Variants in TCF4 observed in about 807,000 individuals in gnomAD.
The protein encoded by TCF4 is SL3-3 enhancer factor 2.
Under a neutral mutation model 82.1 loss-of-function variants are expected in TCF4, and 3 were observed. The ratio of observed to expected loss-of-function variants is 0.04; its 90% CI spans 0.02 to 0.09. The LOEUF is 0.09. Among genes scored for constraint, TCF4 ranks in the 10% least tolerant of loss-of-function variants. TCF4 has a pLI of 1.00. For missense variants in TCF4, 518 were observed against 852.7 expected, an observed-to-expected ratio of 0.61 and a Z score of 4.89; for synonymous variants, 276 against 309.6, an observed-to-expected ratio of 0.89 and a Z score of 1.14.
At chr18:55,416,484 C>A (rs994876550) in intron 5 of TCF4, among the ~76,000 whole-genome samples, 3 of 152,132 alleles carry the variant, frequency 2.0e-5, no homozygotes, top group South Asian at 2.1e-4. Context: ...GGCTAAGAAG[C>A]GATTCCTAAA....
intron 15 of TCF4, among the ~76,000 whole-genome samples, 196 bp downstream of exon 15, chr18:55,254,288 AATATTCAAAACCT>A (rs2056165274): frequency 1.3e-5 from 2 of 152,164 alleles, no homozygotes; most frequent in African/African-American, 4.8e-5. Flanking sequence ...AGGGGGCAAA[AATATTCAAAACCT>A]AGACTATGGT....
At chr18:55,463,478 T>C (rs1427698308) in intron 4 of TCF4, among the ~76,000 whole-genome samples, 1 of 152,158 alleles carries the variant, frequency 6.6e-6, no homozygotes, top group African/African-American at 2.4e-5. Flanking sequence ...AACCAATGCA[T>C]GTAGGAAAAC....
intron 2 of TCF4, among the ~76,000 whole-genome samples, chr18:55,609,229 G>T (rs2097704915): frequency 6.6e-6 from 1 of 152,130 alleles, no homozygotes. Flanking sequence ...AAGGTAAGAT[G>T]GTCGGAGAAG....
At chr18:55,582,100 T>C (rs1345472637) in intron 3 of TCF4, among the ~76,000 whole-genome samples, 1 of 152,088 alleles carries the variant, frequency 6.6e-6, no homozygotes, top group Non-Finnish European at 1.5e-5. Flanking sequence ...TATCTTTTCC[T>C]CACAAGAGTC....
At chr18:55,573,039 G>T (rs1045196089) in intron 3 of TCF4, among the ~76,000 whole-genome samples, 6 of 151,424 alleles carry the variant, frequency 4.0e-5, no homozygotes, top group Non-Finnish European at 5.9e-5. Context: ...GGCAATGAGA[G>T]CTTAACTCCG....
chr18:55,322,448 A>AC (rs2075847855), intron 8 of TCF4: 1 of 1,007,798 alleles, frequency 9.9e-7, no homozygotes, highest in African/African-American at 1.7e-5. Context: ...AAAAAAAAAA[A>AC]AACACCACGT....
chr18:55,290,019 A>T (rs2064680348), intron 8 of TCF4, among the ~76,000 whole-genome samples: 1 of 152,236 alleles, frequency 6.6e-6, no homozygotes, highest in Admixed American at 6.5e-5. Context: ...ATACACGTCA[A>T]ACTAAGAATA....
rs560414939 is a variant in TCF4 at position 55,603,657 on chromosome 18, C to T, written c.287-16521G>A. The stretch of plus-strand genomic sequence containing the variant: ...CCATAAACTAATAGTAAAAATGACT[C>T]CATTTCATAACCACAGGCTGCATCT... On this transcript the variant is annotated intron_variant, in intron 2 of 20. Coordinates refer to the TCF4 transcript ENST00000398339. 9.9e-5 allele frequency among the ~76,000 whole-genome samples: 15 copies of T among 152,268 alleles called. No homozygotes were observed. In the South Asian group the frequency reaches 2.3e-3, roughly 23 times the overall value.
Position 55,379,817 on chromosome 18 carries a change from G to A in TCF4, c.369+23637C>T, listed in dbSNP as rs934094752. Among the ~76,000 whole-genome samples, 22 of 152,204 alleles carry A rather than the reference G, an allele frequency of 1.4e-4. No individual in the cohort carries two copies. The South Asian group carries it at 1.9e-3, about 13-fold the overall frequency. ...ACAAGCATTTACTTCTAACAGTTCC[G>A]GAGGCTAGAATTCTAAGATCAGGAC... On this transcript the variant is annotated intron_variant, in intron 6 of 19. Coordinates refer to ENST00000354452, the MANE Select transcript of TCF4 (RefSeq NM_001083962.2).
intron 5 of TCF4, among the ~76,000 whole-genome samples, chr18:55,438,329 A>T: frequency 1.4e-5 from 1 of 70,914 alleles, no homozygotes; most frequent in South Asian, 4.8e-4. Context: ...TGGTATTGCT[A>T]TGATTATAGT....
intron 8 of TCF4, among the ~76,000 whole-genome samples, 160 bp downstream of exon 8, chr18:55,350,199 G>T (rs1173198919): frequency 6.6e-6 from 1 of 152,118 alleles, no homozygotes; most frequent in East Asian, 1.9e-4. Context: ...CTCCAATGTG[G>T]GTCAGGTGGC....
intron 8 of TCF4, among the ~76,000 whole-genome samples, chr18:55,328,504 G>A (rs760701451): frequency 2.2e-4 from 33 of 152,152 alleles, no homozygotes; most frequent in Admixed American, 3.9e-4. Flanking sequence ...ACTGGACAAT[G>A]TAAAAACAGA....
chr18:55,345,202 G>T (rs1037703103), intron 8 of TCF4, among the ~76,000 whole-genome samples: 1 of 151,354 alleles, frequency 6.6e-6, no homozygotes, highest in African/African-American at 2.4e-5. Context: ...CAAATATAAA[G>T]ATTCTCCTAT....
At chr18:55,595,925 T>A (rs2097690413) in intron 2 of TCF4, among the ~76,000 whole-genome samples, 1 of 152,130 alleles carries the variant, frequency 6.6e-6, no homozygotes, top group South Asian at 2.1e-4. Context: ...TTGCATGTGC[T>A]GAAAGTTTAA....
At chr18:55,464,336 C>G (rs147967565) in intron 3 of TCF4, among the ~76,000 whole-genome samples, 199 bp from the exon 4 acceptor site, 3 of 152,228 alleles carry the variant, frequency 2.0e-5, no homozygotes, top group Non-Finnish European at 4.4e-5. Context: ...ATGAACTGGA[C>G]CCTCAGGAAC....
At chr18:55,581,509 C>T (rs979563919) in intron 3 of TCF4, among the ~76,000 whole-genome samples, 2 of 151,950 alleles carry the variant, frequency 1.3e-5, no homozygotes, top group Non-Finnish European at 2.9e-5. Context: ...ATACCATTTA[C>T]GATTTTAAGG....
intron 3 of TCF4, among the ~76,000 whole-genome samples, chr18:55,519,237 A>G (rs1032156555): frequency 6.6e-6 from 1 of 152,072 alleles, no homozygotes; most frequent in Non-Finnish European, 1.5e-5. Flanking sequence ...GTTCGAGACC[A>G]GCCTGGGCAA....
chr18:55,480,970 G>A (rs992732077), intron 3 of TCF4, among the ~76,000 whole-genome samples: 1 of 152,046 alleles, frequency 6.6e-6, no homozygotes, highest in Non-Finnish European at 1.5e-5. Context: ...TGGGCGTGGT[G>A]GCAGGCACCT....
upstream of TCF4, among the ~76,000 whole-genome samples, chr18:55,590,853 T>C (rs2097684082): frequency 6.6e-6 from 1 of 152,192 alleles, no homozygotes; most frequent in Non-Finnish European, 1.5e-5. Context: ...CTACTGTAAT[T>C]TGTATATTGG....
Sources: gnomAD v4.1 joint callset for allele counts (sites outside exome capture counted in the v4.1 genomes callset) on GRCh38, gnomAD v4.1.1 for gene constraint, MANE v1.5 for transcripts, NCBI Gene and HGNC (gene_info 2026-07-23, HGNC 2026-07-21) for gene names.